DNAH14: variants seen among roughly 807,000 people sequenced by gnomAD.
DNAH14 encodes the protein axonemal beta dynein heavy chain 14.
DNAH14 carries 478 observed loss-of-function variants against 520.9 expected under a neutral mutation model. The observed-to-expected ratio is 0.92, with a 90% CI of 0.85 to 0.99. The LOEUF is 0.99. Ranked by LOEUF, DNAH14 falls within the 50% of genes least tolerant of loss-of-function variation. DNAH14 has a pLI of 0.00. For missense variants in DNAH14, 4,831 were observed against 5,234.5 expected (o/e 0.92, Z 2.38); for synonymous variants, 1,581 against 1,757.2 (o/e 0.90, Z 2.51).
intron 7 of DNAH14, among the ~76,000 whole-genome samples, chr1:224,971,190 A>G (rs1454154664): frequency 6.6e-6 from 1 of 152,080 alleles, no homozygotes; most frequent in African/African-American, 2.4e-5. Context: ...GTAGTTCCAG[A>G]TTGTTGTTCT....
rs150254532 is a variant in DNAH14, at chr1:225,381,501, A to G, written c.12999A>G (p.Lys4333=). ...TAAAAGATCTTCAGCTTGCTATAAA[A>G]GGAGAGATCATCCTCACCCAAGAAT... ...KSLKDLQLAI[K]GEIILTQELE... The change falls in exon 81 of 86, where the codon AAA becomes AAG. Residue 4333 remains lysine (K), a synonymous_variant. Transcript: ENST00000682510. The G allele has an allele frequency of 3.6e-5, 56 of 1,550,118 alleles. 1 individual carries two copies. In the African/African-American group the frequency reaches 7.7e-4, roughly 21 times the overall value.
intron 8 of DNAH14, among the ~76,000 whole-genome samples, chr1:224,980,140 T>A (rs2062157438): frequency 6.6e-6 from 1 of 152,160 alleles, no homozygotes; most frequent in Non-Finnish European, 1.5e-5. Context: ...GTCTTGCACC[T>A]TAGGTACTAT....
intron 34 of DNAH14, among the ~76,000 whole-genome samples, chr1:225,154,978 C>A (rs1251388978): frequency 2.0e-5 from 3 of 151,892 alleles, no homozygotes; most frequent in Non-Finnish European, 4.4e-5. Flanking sequence ...CAAAGGACAT[C>A]AACAGATAGT....
At chr1:224,956,187 T>A (rs2060498665) in intron 3 of DNAH14, among the ~76,000 whole-genome samples, 1 of 152,144 alleles carries the variant, frequency 6.6e-6, no homozygotes, top group South Asian at 2.1e-4. Flanking sequence ...GATTTTTACT[T>A]CTCTGTGTTC....
intron 41 of DNAH14, among the ~76,000 whole-genome samples, chr1:225,230,624 C>T (rs1230022369): frequency 1.3e-5 from 2 of 151,960 alleles, no homozygotes; most frequent in African/African-American, 4.8e-5. Context: ...CTACAATCTG[C>T]CTAACATGCC....
At chr1:225,148,678 G>A (rs144748707) in intron 31 of DNAH14, among the ~76,000 whole-genome samples, 12,513 of 152,104 alleles carry the variant, frequency 0.082, 1,663 homozygotes, top group African/African-American at 0.28. Flanking sequence ...GGGATTACAG[G>A]CATGAGTCAC....
intron 64 of DNAH14, among the ~76,000 whole-genome samples, chr1:225,325,858 A>C (rs917397216): frequency 6.6e-6 from 1 of 152,162 alleles, no homozygotes. Context: ...ACTCTGGGCT[A>C]GCGTTCCCAC....
intron 65 of DNAH14, 33 bp from the exon 66 acceptor site, chr1:225,333,258 T>G: frequency 6.9e-7 from 1 of 1,456,936 alleles, no homozygotes; most frequent in Non-Finnish European, 9.3e-7. Flanking sequence ...ATATATTTTA[T>G]ATAGAATAAC....
intron 36 of DNAH14, among the ~76,000 whole-genome samples, chr1:225,181,732 A>G (rs1165638022): frequency 6.6e-6 from 1 of 151,778 alleles, no homozygotes; most frequent in Non-Finnish European, 1.5e-5. Flanking sequence ...TAGATTTTTG[A>G]TACTGGACCT....
intron 23 of DNAH14, among the ~76,000 whole-genome samples, chr1:225,103,208 G>A (rs943881014): frequency 6.6e-6 from 1 of 152,080 alleles, no homozygotes; most frequent in African/African-American, 2.4e-5. Flanking sequence ...GTAGATATGG[G>A]ACATTATTTC....
chr1:225,058,526 G>T (rs370891099), intron 17 of DNAH14, among the ~76,000 whole-genome samples: 3 of 152,026 alleles, frequency 2.0e-5, no homozygotes, highest in Admixed American at 6.6e-5. Context: ...GTGTCTCTAT[G>T]TCCTTCATTT....
Position 224,985,619 on chromosome 1 carries a change from G to A in DNAH14, c.830+11466G>A, listed in dbSNP as rs11804750. On this transcript the variant is annotated intron_variant, in intron 8 of 85. Coordinates refer to ENST00000682510, the MANE Select transcript of DNAH14 (RefSeq NM_001367479.1). ...TACCCCAATAACTTATCAAAACATAGAATTAAGAAAAATAGCTGTATTGAG... is the reference window on the plus strand; with the variant it reads ...TACCCCAATAACTTATCAAAACATAAAATTAAGAAAAATAGCTGTATTGAG... 4.2e-3 allele frequency among the ~76,000 whole-genome samples: 637 copies of A among 151,946 alleles called. 4 individuals carry two copies. The highest frequency in any genetic ancestry group is 0.015 in the African/African-American group (606 of 41,456).
At chr1:224,967,111 A>G (rs1023208014) in intron 5 of DNAH14, among the ~76,000 whole-genome samples, 8 of 152,156 alleles carry the variant, frequency 5.3e-5, no homozygotes, top group Non-Finnish European at 1.0e-4. Context: ...ATACTAGAAG[A>G]TGGCATATAT....
At chr1:225,202,089 T>C (rs1393603079) in intron 38 of DNAH14, among the ~76,000 whole-genome samples, 4 of 152,152 alleles carry the variant, frequency 2.6e-5, no homozygotes, top group African/African-American at 9.7e-5. Flanking sequence ...TTGGCCAGGC[T>C]GATCTCAAAC....
chr1:225,375,158 C>T (rs527465364), intron 78 of DNAH14, among the ~76,000 whole-genome samples: 41 of 152,040 alleles, frequency 2.7e-4, no homozygotes, highest in South Asian at 4.2e-4. Flanking sequence ...TATAAATCAA[C>T]GATTCCATGC....
At chr1:224,965,980 TA>T (rs1424109939) in intron 5 of DNAH14, among the ~76,000 whole-genome samples, 3 of 152,172 alleles carry the variant, frequency 2.0e-5, no homozygotes, top group African/African-American at 7.2e-5. Flanking sequence ...AACATATTCT[TA>T]TGCTTTTATA....
chr1:225,077,645 C>T (rs1209531273), intron 17 of DNAH14, among the ~76,000 whole-genome samples: 2 of 152,144 alleles, frequency 1.3e-5, no homozygotes, highest in Non-Finnish European at 2.9e-5. Flanking sequence ...CTCCAAAGTA[C>T]AGATGAGGAC....
Position 225,051,553 on chromosome 1 carries a change from A to C in DNAH14, c.2182A>C (p.Met728Leu). ...TACCATGACAGAAAAGGCCAAAATC[A>C]TGAGTATGAAAATATCATCTATGGG... ...YCTMTEKAKI[M>L]SMKISSMGEL... Residue 728 changes from methionine to leucine, a missense_variant, in exon 17 of 86, where the codon ATG becomes CTG. By Grantham distance (15) the Met-to-Leu change is conservative. Transcript: ENST00000682510. 6.4e-7 allele frequency: 1 copy of C among 1,551,192 alleles called. No individual in the cohort carries two copies. Among genetic ancestry groups the C allele is most frequent in the African/African-American group, 1.4e-5 (1 of 73,172 alleles).
intron 4 of DNAH14, among the ~76,000 whole-genome samples, chr1:224,964,172 C>T (rs2061011217): frequency 6.6e-6 from 1 of 152,118 alleles, no homozygotes; most frequent in Non-Finnish European, 1.5e-5. Context: ...CCTACCCCAG[C>T]TTAGGCATTT....
Sources: gnomAD v4.1 joint callset for allele counts (sites outside exome capture counted in the v4.1 genomes callset) on GRCh38, gnomAD v4.1.1 for gene constraint, MANE v1.5 for transcripts, NCBI Gene and HGNC (gene_info 2026-07-23, HGNC 2026-07-21) for gene names.